Variants in ATXN10 observed in about 807,000 individuals in gnomAD.
ATXN10 encodes ataxin-10.
In ATXN10, 28 loss-of-function variants were observed where a neutral mutation model predicts 52.9. The ratio of observed to expected loss-of-function variants is 0.53; its 90% CI spans 0.39 to 0.73. The LOEUF (loss-of-function observed/expected upper bound fraction) is 0.73, where lower values mean the gene tolerates loss of function less well. ATXN10 is among the 30% of genes least tolerant of loss of function. The pLI is 0.00. For synonymous variants in ATXN10, 226 were observed against 221.5 expected (o/e 1.02, Z -0.18); for missense variants, 565 against 577.0 (o/e 0.98, Z 0.21).
rs1380423324 is a variant in ATXN10 at position 45,700,389 on chromosome 22, T to G, written c.488+11T>G. On this transcript the variant is annotated intron_variant, in intron 4 of 11. Transcript: ENST00000252934. Reference sequence around the variant, plus strand: ...CCCAGAACTGTTTTTGTGAGTATATTGATAAGCATTTTTCTAACTTGTGAG... The same window carrying G: ...CCCAGAACTGTTTTTGTGAGTATATGGATAAGCATTTTTCTAACTTGTGAG... 2 of 1,588,180 alleles carry G rather than the reference T, an allele frequency of 1.3e-6. No homozygotes were observed. Among genetic ancestry groups the G allele is most frequent in the Non-Finnish European group, 1.7e-6 (2 of 1,156,508 alleles).
rs1026610997 is a variant in ATXN10 at position 45,678,738 on chromosome 22, A to G, written c.116+6559A>G. ...TAATTACTCAAATTGCTAAAATGCTATTGATTAGTTTACCATGTAATTCAT... is the reference window on the plus strand; with the variant it reads ...TAATTACTCAAATTGCTAAAATGCTGTTGATTAGTTTACCATGTAATTCAT... On this transcript the variant is annotated intron_variant, in intron 1 of 11. Transcript: ENST00000252934. The surrounding 1 kb of genome is among the most constrained non-coding windows in gnomAD (Gnocchi z 4.1). The G allele has an allele frequency of 1.7e-4, 26 of 152,272 alleles. 1 individual carries two copies. Among genetic ancestry groups the G allele is most frequent in the South Asian group, 1.0e-3 (5 of 4,816 alleles). 9.4% of individuals were successfully genotyped at this position (152,272 alleles called of 1,614,324 possible).
At chr22:45,785,926 GGTT>G (rs1927309016) in intron 9 of ATXN10, among the ~76,000 whole-genome samples, 5 of 152,192 alleles carry the variant, frequency 3.3e-5, no homozygotes, top group Admixed American at 3.3e-4. Flanking sequence ...TAAGGTTTCT[GGTT>G]GTTTTGGACA....
intron 9 of ATXN10, among the ~76,000 whole-genome samples, chr22:45,771,938 T>C (rs1301906737): frequency 6.6e-6 from 1 of 152,218 alleles, no homozygotes; most frequent in Non-Finnish European, 1.5e-5. Flanking sequence ...TGTTTTGTTA[T>C]TGTAGAATTT....
chr22:45,815,348 A>G (rs1475652302), intron 10 of ATXN10, among the ~76,000 whole-genome samples: 1 of 152,172 alleles, frequency 6.6e-6, no homozygotes, highest in Admixed American at 6.5e-5. Flanking sequence ...AGGGATTGGC[A>G]GGGGAGGAGG....
rs777975592 is a variant in ATXN10 at position 45,690,629 on chromosome 22, T to C, written c.308+726T>C. ...TACTCTTGTGTTTGGACAAGAAGCA[T>C]ATTTTGTAAATTTACAAGATGACCT... On this transcript the variant is annotated intron_variant, in intron 2 of 11. Coordinates refer to ENST00000252934, the MANE Select transcript of ATXN10 (RefSeq NM_013236.4). The surrounding 1 kb of genome is among the most constrained non-coding windows in gnomAD (Gnocchi z 4.5). 7.2e-5 allele frequency among the ~76,000 whole-genome samples: 11 copies of C among 152,230 alleles called. No individual in the cohort carries two copies. The highest frequency in any genetic ancestry group is 1.5e-4 in the Non-Finnish European group (10 of 68,038).
Position 45,748,875 on chromosome 22 carries a change from C to G in ATXN10, c.1173+8337C>G, listed in dbSNP as rs80149918. On this transcript the variant is annotated intron_variant, in intron 9 of 11. Transcript: ENST00000252934. ...CAGTAAATGAAATTAAAATTCCTAT[C>G]TAGAGGAAACCTATCATGGTTTAGG... Among the ~76,000 whole-genome samples, 963 of 152,264 alleles carry G rather than the reference C, an allele frequency of 6.3e-3. 7 individuals carry two copies. The highest frequency in any genetic ancestry group is 0.015 in the South Asian group (71 of 4,824).
In ATXN10 at chr22:45,763,130, T is replaced by G. The variant is rs1926458632; in HGVS notation, c.1173+22592T>G. On this transcript the variant is annotated intron_variant, in intron 9 of 11. Transcript: ENST00000252934. This position sits in a 1 kb window ranked among gnomAD's most constrained non-coding sequence, Gnocchi z 6.9. ...TGGAAGGAGGCCTAGGAAATGATGTTTCTGTGGCCTTCCTACCCCCTCTCC... is the reference window on the plus strand; with the variant it reads ...TGGAAGGAGGCCTAGGAAATGATGTGTCTGTGGCCTTCCTACCCCCTCTCC... Among the ~76,000 whole-genome samples, 1 of 152,146 alleles carries G rather than the reference T, an allele frequency of 6.6e-6. No homozygotes were observed. Among genetic ancestry groups the G allele is most frequent in the African/African-American group, 2.4e-5 (1 of 41,430 alleles).
At chr22:45,731,711 A>G (rs891348415) in intron 7 of ATXN10, among the ~76,000 whole-genome samples, 16 of 152,216 alleles carry the variant, frequency 1.1e-4, no homozygotes, top group Non-Finnish European at 1.8e-4. Flanking sequence ...GCTCATGGCT[A>G]TGACTGCTCG....
Position 45,843,234 on chromosome 22 carries a change from C to G in ATXN10, c.1425+56C>G, listed in dbSNP as rs1929407047. 1 of 1,564,058 alleles carries G rather than the reference C, an allele frequency of 6.4e-7. No homozygotes were observed. The highest frequency in any genetic ancestry group is 1.1e-5 in the South Asian group (1 of 89,734). Reference sequence around the variant, plus strand: ...TTTGGTTTGTAGAAAGCTGTTTCCACTTCCCCATTGCTTCAAGCACGAGGC... The same window carrying G: ...TTTGGTTTGTAGAAAGCTGTTTCCAGTTCCCCATTGCTTCAAGCACGAGGC... On this transcript the variant is annotated intron_variant, in intron 11 of 11. Coordinates refer to ENST00000252934, the MANE Select transcript of ATXN10 (RefSeq NM_013236.4). The surrounding 1 kb of genome is among the most constrained non-coding windows in gnomAD (Gnocchi z 4.5).
rs529974334 is a variant in ATXN10 at position 45,688,100 on chromosome 22, G to A, written c.117-1612G>A. 6.6e-6 allele frequency among the ~76,000 whole-genome samples: 1 copy of A among 152,188 alleles called. No individual in the cohort carries two copies. Among genetic ancestry groups the A allele is most frequent in the Admixed American group, 6.5e-5 (1 of 15,282 alleles). On this transcript the variant is annotated intron_variant, in intron 1 of 11. Coordinates refer to ENST00000252934, the MANE Select transcript of ATXN10 (RefSeq NM_013236.4). The surrounding 1 kb of genome is among the most constrained non-coding windows in gnomAD (Gnocchi z 4.0). ...TGAGTATTCTTCCATTCTTCTTACG[G>A]CAATGCTGTCACTAAAAAATGGCTT...
intron 8 of ATXN10, 72 bp downstream of exon 8, chr22:45,738,911 A>T: frequency 7.7e-7 from 1 of 1,290,618 alleles, no homozygotes; most frequent in South Asian, 1.2e-5. Context: ...TATAAATCCA[A>T]ATACAAATCC....
rs1927428482 is a variant in ATXN10, at chr22:45,789,368, A to AT, written c.1174-17583dup. ...GAGCTTTTGCTTCTCACGCGCATATATTTTTTTTCCGCAAATCATTGTTAA... is the reference window on the plus strand; with the variant it reads ...GAGCTTTTGCTTCTCACGCGCATATATTTTTTTTTCCGCAAATCATTGTTAA... On this transcript the variant is annotated intron_variant, in intron 9 of 11. Coordinates refer to ENST00000252934, the MANE Select transcript of ATXN10 (RefSeq NM_013236.4). The surrounding 1 kb of genome is among the most constrained non-coding windows in gnomAD (Gnocchi z 4.0). Among the ~76,000 whole-genome samples, 1 of 151,954 alleles carries AT rather than the reference A, an allele frequency of 6.6e-6. No individual in the cohort carries two copies. The highest frequency in any genetic ancestry group is 2.1e-4 in the South Asian group (1 of 4,802).
chr22:45,716,751 TA>T (rs1924463833), intron 5 of ATXN10, among the ~76,000 whole-genome samples: 3 of 151,652 alleles, frequency 2.0e-5, no homozygotes, highest in Non-Finnish European at 4.4e-5. Flanking sequence ...AAGAAAGAAA[TA>T]AAAGATGACA....
chr22:45,691,486 C>T (rs1482469653), intron 2 of ATXN10, among the ~76,000 whole-genome samples: 1 of 152,244 alleles, frequency 6.6e-6, no homozygotes, highest in Non-Finnish European at 1.5e-5. Flanking sequence ...AATAACTTGT[C>T]TGAGAGTCAC....
At chr22:45,685,556 C>T (rs1161444556) in intron 1 of ATXN10, among the ~76,000 whole-genome samples, 1 of 152,092 alleles carries the variant, frequency 6.6e-6, no homozygotes, top group East Asian at 1.9e-4. Context: ...ATTTCATTGT[C>T]GTTAATCATT....
At chr22:45,797,903 TAA>T (rs1927800683) in intron 9 of ATXN10, among the ~76,000 whole-genome samples, 2 of 152,076 alleles carry the variant, frequency 1.3e-5, no homozygotes, top group African/African-American at 4.8e-5. Flanking sequence ...AAAAAGATAA[TAA>T]GAGAATAGCA....
chr22:45,718,606 T>C lies in ATXN10; in HGVS notation c.728+113T>C. 3.1e-6 allele frequency: 3 copies of C among 959,824 alleles called. No individual in the cohort carries two copies. Among genetic ancestry groups the C allele is most frequent in the Admixed American group, 3.6e-5 (2 of 55,412 alleles). 59.5% of individuals were successfully genotyped at this position (959,824 alleles called of 1,614,324 possible). A position where few individuals can be genotyped will look rare whatever the true frequency, so the allele number is the denominator to read the frequency against. On this transcript the variant is annotated intron_variant, in intron 6 of 11. Coordinates refer to ENST00000252934, the MANE Select transcript of ATXN10 (RefSeq NM_013236.4). The surrounding 1 kb of genome is among the most constrained non-coding windows in gnomAD (Gnocchi z 4.4). ...AGTTGGCACAGAATCTCTAAATACA[T>C]GTTTCTGTGTTGGTAATGGTTTTAA...
intron 7 of ATXN10, among the ~76,000 whole-genome samples, chr22:45,735,925 C>G (rs139089598): frequency 1.4e-5 from 2 of 145,782 alleles, no homozygotes; most frequent in Non-Finnish European, 3.0e-5. Flanking sequence ...TTTTTTAAGA[C>G]AGTAATTTTT....
intron 5 of ATXN10, among the ~76,000 whole-genome samples, chr22:45,710,342 A>ATCTTCC (rs1924198465): frequency 6.6e-6 from 1 of 152,148 alleles, no homozygotes; most frequent in Non-Finnish European, 1.5e-5. Flanking sequence ...CTTCCTTTAG[A>ATCTTCC]TCTTCCCATG....
Sources: gnomAD v4.1 joint callset for allele counts (sites outside exome capture counted in the v4.1 genomes callset) on GRCh38, gnomAD v4.1.1 for gene constraint, Gnocchi (gnomAD v3.1) non-coding constraint, MANE v1.5 for transcripts, NCBI Gene and HGNC (gene_info 2026-07-23, HGNC 2026-07-21) for gene names.